GXYLT1: variants seen among roughly 807,000 people sequenced by gnomAD.
The protein encoded by GXYLT1 is glycosyltransferase 8 domain containing 3.
GXYLT1 carries 29 observed loss-of-function variants against 54.0 expected under a neutral mutation model. The observed-to-expected ratio is 0.54, with a 90% CI of 0.40 to 0.73. GXYLT1 has a LOEUF of 0.73. Ranked by LOEUF, GXYLT1 falls within the 30% of genes least tolerant of loss-of-function variation. The pLI is 0.00. For synonymous variants in GXYLT1, 176 were observed against 204.1 expected (o/e 0.86, Z 1.17); for missense variants, 490 against 553.4 (o/e 0.89, Z 1.15).
intron 3 of GXYLT1, 92 bp downstream of exon 3, chr12:42,118,908 A>G (rs1592117435): frequency 2.2e-6 from 2 of 919,554 alleles, no homozygotes; most frequent in South Asian, 4.3e-5. Flanking sequence ...AGTTATTTCT[A>G]GCAATGTGAA....
At chr12:42,112,425 A>C (rs773514408) in intron 3 of GXYLT1, among the ~76,000 whole-genome samples, 12 of 152,228 alleles carry the variant, frequency 7.9e-5, no homozygotes, top group Non-Finnish European at 1.6e-4. Flanking sequence ...AAACAGAATA[A>C]CCAATGCAGA....
At chr12:42,093,692 TA>T (rs1025649875) in intron 7 of GXYLT1, among the ~76,000 whole-genome samples, 1 of 152,080 alleles carries the variant, frequency 6.6e-6, no homozygotes, top group African/African-American at 2.4e-5. Flanking sequence ...TTTTATTTTT[TA>T]GAGACAAAGT....
chr12:42,108,950 C>G (rs1249735403), intron 4 of GXYLT1, among the ~76,000 whole-genome samples: 2 of 151,466 alleles, frequency 1.3e-5, no homozygotes, highest in African/African-American at 2.4e-5. Context: ...TGGGTAAAAT[C>G]AAATCAAAAT....
In GXYLT1 at chr12:42,083,923, T is replaced by A. The variant is rs978096143; in HGVS notation, c.*3863A>T. ...CTTGGGATGGCTAAAACAATAAAGT[T>A]AAAAAGGAAGATACTTGTATTTCCA... On this transcript the variant is annotated 3_prime_UTR_variant, in exon 8 of 8. Coordinates refer to ENST00000398675, the MANE Select transcript of GXYLT1 (RefSeq NM_173601.2). The A allele has an allele frequency of 6.6e-6, 1 of 151,952 alleles. No individual in the cohort carries two copies. Among genetic ancestry groups the A allele is most frequent in the Non-Finnish European group, 1.5e-5 (1 of 67,992 alleles). The allele number at this position is 151,952 out of a possible 1,614,324, so 9.4% of individuals were successfully genotyped here. A position where few individuals can be genotyped will look rare whatever the true frequency, so the allele number is the denominator to read the frequency against.
chr12:42,135,101 C>T (rs1276251952), intron 1 of GXYLT1, among the ~76,000 whole-genome samples: 1 of 152,190 alleles, frequency 6.6e-6, no homozygotes, highest in Admixed American at 6.5e-5. Context: ...AAGTGACTTG[C>T]TTTGGCCAAA....
chr12:42,118,818 C>A (rs572024490), intron 3 of GXYLT1, among the ~76,000 whole-genome samples, 182 bp downstream of exon 3: 3 of 152,204 alleles, frequency 2.0e-5, no homozygotes, highest in Non-Finnish European at 2.9e-5. Context: ...TGCCATGATT[C>A]TAAGTTTCCT....
intron 1 of GXYLT1, among the ~76,000 whole-genome samples, chr12:42,142,893 C>T (rs966742271): frequency 1.2e-4 from 18 of 152,028 alleles, no homozygotes; most frequent in African/African-American, 4.4e-4. Flanking sequence ...CTTAGATGTA[C>T]GCCTCATTTA....
At chr12:42,128,874 T>C (rs1034343955) in intron 2 of GXYLT1, among the ~76,000 whole-genome samples, 2 of 152,004 alleles carry the variant, frequency 1.3e-5, no homozygotes, top group Non-Finnish European at 2.9e-5. Flanking sequence ...AGGGTCTTGC[T>C]TTTGTTGCCC....
At chr12:42,142,891 T>C (rs183058480) in intron 1 of GXYLT1, among the ~76,000 whole-genome samples, 3 of 152,310 alleles carry the variant, frequency 2.0e-5, no homozygotes, top group Admixed American at 6.5e-5. Flanking sequence ...AACTTAGATG[T>C]ACGCCTCATT....
At chr12:42,143,249 A>T (rs2065661714) in intron 1 of GXYLT1, among the ~76,000 whole-genome samples, 1 of 152,162 alleles carries the variant, frequency 6.6e-6, no homozygotes, top group Non-Finnish European at 1.5e-5. Flanking sequence ...TCACAATAAC[A>T]TACTAGGCCA....
At chr12:42,141,519 A>C in intron 1 of GXYLT1, among the ~76,000 whole-genome samples, 1 of 152,108 alleles carries the variant, frequency 6.6e-6, no homozygotes, top group African/African-American at 2.4e-5. Context: ...AAATGTGCTA[A>C]GACAGTAGAT....
intron 3 of GXYLT1, among the ~76,000 whole-genome samples, chr12:42,114,542 A>C (rs969062372): frequency 1.3e-5 from 2 of 152,210 alleles, no homozygotes; most frequent in Admixed American, 6.5e-5. Flanking sequence ...GAAATGGATA[A>C]ATTCCTCGAC....
intron 3 of GXYLT1, among the ~76,000 whole-genome samples, chr12:42,114,796 A>C (rs530269794): frequency 6.6e-5 from 10 of 152,090 alleles, no homozygotes; most frequent in South Asian, 6.2e-4. Flanking sequence ...CAGCATCATC[A>C]TGATACCAAA....
In GXYLT1 at chr12:42,084,531, C is replaced by T. The variant is rs1338028114; in HGVS notation, c.*3255G>A. 1 of 152,456 alleles carries T rather than the reference C, an allele frequency of 6.6e-6. No individual in the cohort carries two copies. Among genetic ancestry groups the T allele is most frequent in the Non-Finnish European group, 1.5e-5 (1 of 68,182 alleles). The allele number at this position is 152,456 out of a possible 1,614,324, so 9.4% of individuals were successfully genotyped here. ...TAAGCCACGCAAAATGCTTCCAAAT[C>T]CATTATCTCTTCTGAGTTTCATCTT... is the stretch of plus-strand genomic sequence containing the variant. On this transcript the variant is annotated 3_prime_UTR_variant, in exon 8 of 8. Coordinates refer to ENST00000398675, the MANE Select transcript of GXYLT1 (RefSeq NM_173601.2).
intron 2 of GXYLT1, among the ~76,000 whole-genome samples, chr12:42,127,676 T>A (rs1358537831): frequency 1.3e-5 from 2 of 152,228 alleles, no homozygotes; most frequent in Non-Finnish European, 2.9e-5. Flanking sequence ...GTCTGGGTTG[T>A]ATAAATCAGA....
chr12:42,087,749 T>G lies in GXYLT1; in HGVS notation c.*37A>C. 6.8e-7 allele frequency: 1 copy of G among 1,465,966 alleles called. No homozygotes were observed. The highest frequency in any genetic ancestry group is 1.4e-5 in the African/African-American group (1 of 70,624). 90.8% of individuals were successfully genotyped at this position (1,465,966 alleles called of 1,614,324 possible). ...TTCCTTCACACTTATCTTCTGATTC[T>G]TTGTTTTCATCCATTTGATTAAGCA... On this transcript the variant is annotated 3_prime_UTR_variant, in exon 8 of 8. Coordinates refer to ENST00000398675, the MANE Select transcript of GXYLT1 (RefSeq NM_173601.2).
chr12:42,107,287 C>T lies in GXYLT1; in HGVS notation c.613-1218G>A, dbSNP rs544375331. Among the ~76,000 whole-genome samples, 5 of 152,288 alleles carry T rather than the reference C, an allele frequency of 3.3e-5. No individual in the cohort carries two copies. In the East Asian group the frequency reaches 9.7e-4, roughly 29 times the overall value. Reference sequence around the variant, plus strand: ...CTACTAGGCTGAAATCACCTCATTCCTCCCTTATCTCACTATCAGCTGATT... The same window carrying T: ...CTACTAGGCTGAAATCACCTCATTCTTCCCTTATCTCACTATCAGCTGATT... On this transcript the variant is annotated intron_variant, in intron 4 of 7. Coordinates refer to ENST00000398675, the MANE Select transcript of GXYLT1 (RefSeq NM_173601.2).
At chr12:42,107,302 A>C (rs1189540893) in intron 4 of GXYLT1, among the ~76,000 whole-genome samples, 1 of 152,084 alleles carries the variant, frequency 6.6e-6, no homozygotes, top group Non-Finnish European at 1.5e-5. Context: ...TTATCTCACT[A>C]TCAGCTGATT....
At chr12:42,116,524 A>G (rs2065496357) in intron 3 of GXYLT1, among the ~76,000 whole-genome samples, 1 of 152,246 alleles carries the variant, frequency 6.6e-6, no homozygotes, top group African/African-American at 2.4e-5. Flanking sequence ...AACACATGAA[A>G]AAATGCTCAC....
Sources: gnomAD v4.1 joint callset for allele counts (sites outside exome capture counted in the v4.1 genomes callset) on GRCh38, gnomAD v4.1.1 for gene constraint, MANE v1.5 for transcripts, NCBI Gene and HGNC (gene_info 2026-07-23, HGNC 2026-07-21) for gene names.